The following CLASP1 variants were observed in gnomAD, a reference collection of about 807,000 sequenced individuals.
CLASP1 encodes CLIP-associating protein 1.
A neutral mutation model predicts 192.3 loss-of-function variants in CLASP1; 38 were observed. The ratio of observed to expected loss-of-function variants is 0.20; its 90% confidence interval spans 0.15 to 0.26. CLASP1 has a LOEUF of 0.26. Among genes scored for constraint, CLASP1 ranks in the 10% least tolerant of loss-of-function variants. CLASP1 has a pLI of 1.00. For missense variants in CLASP1, 1,433 were observed against 1,932.5 expected (o/e 0.74, Z 4.85); for synonymous variants, 691 against 712.8 (o/e 0.97, Z 0.49).
intron 2 of CLASP1, among the ~76,000 whole-genome samples, chr2:121,589,550 A>G (rs1339291350): frequency 6.6e-6 from 1 of 151,892 alleles, no homozygotes; most frequent in Non-Finnish European, 1.5e-5. Context: ...GAATTGCTTG[A>G]ACCTAGGAGG....
chr2:121,361,974 T>C (rs544841306), intron 37 of CLASP1, among the ~76,000 whole-genome samples: 14 of 152,338 alleles, frequency 9.2e-5, no homozygotes, highest in Admixed American at 4.6e-4. Context: ...TGAGCTACAA[T>C]TGTGGTGGAG....
In CLASP1 at chr2:121,646,769, G is replaced by A. The variant is rs943733033; in HGVS notation, c.-286+2603C>T. 5.3e-5 allele frequency among the ~76,000 whole-genome samples: 8 copies of A among 152,214 alleles called. No homozygotes were observed. In the East Asian group the frequency reaches 1.5e-3, roughly 29 times the overall value. ...AATCTAAATCTAGGCCAGGCGTGGT[G>A]GCTCACGCCTGTAATCCCAGCACTT... On this transcript the variant is annotated intron_variant, in intron 1 of 39. Transcript: ENST00000263710.
At chr2:121,348,840 C>A in intron 37 of CLASP1, 122 bp from the exon 39 acceptor site, 9 of 870,850 alleles carry the variant, frequency 1.0e-5, no homozygotes, top group Non-Finnish European at 1.5e-5. Flanking sequence ...GCAGCCATTG[C>A]TTCGCCTGGC....
At chr2:121,567,884 A>G (rs1483067785) in intron 2 of CLASP1, among the ~76,000 whole-genome samples, 2 of 152,218 alleles carry the variant, frequency 1.3e-5, no homozygotes, top group Non-Finnish European at 2.9e-5. Context: ...ATCTTGGCTA[A>G]GAAGTTATAA....
chr2:121,373,556 GAA>G (rs778146470), intron 34 of CLASP1, among the ~76,000 whole-genome samples: 6 of 152,230 alleles, frequency 3.9e-5, no homozygotes, highest in Non-Finnish European at 8.8e-5. Context: ...AAGAAAGTTT[GAA>G]ACTTCCTAGA....
intron 2 of CLASP1, among the ~76,000 whole-genome samples, chr2:121,569,436 T>A (rs1480156784): frequency 1.3e-4 from 20 of 152,268 alleles, no homozygotes; most frequent in Admixed American, 1.3e-3. Flanking sequence ...CAGCTAGGGC[T>A]AGGCCTTCGG....
chr2:121,641,002 T>C (rs2106331427), intron 1 of CLASP1, among the ~76,000 whole-genome samples: 1 of 152,270 alleles, frequency 6.6e-6, no homozygotes, highest in African/African-American at 2.4e-5. Flanking sequence ...GGGAGAACAC[T>C]ATGACTTACC....
intron 2 of CLASP1, chr2:121,531,024 A>AG: frequency 1.4e-6 from 1 of 700,090 alleles, no homozygotes; most frequent in Non-Finnish European, 2.6e-6. Flanking sequence ...ACCTGTTTTC[A>AG]TAGACTTATC....
At chr2:121,446,958 C>T (rs2084459141) in intron 19 of CLASP1, among the ~76,000 whole-genome samples, 1 of 152,156 alleles carries the variant, frequency 6.6e-6, no homozygotes, top group South Asian at 2.1e-4. Flanking sequence ...TTGGTGAATC[C>T]CTCACTGAAC....
intron 9 of CLASP1, among the ~76,000 whole-genome samples, chr2:121,465,862 C>A (rs180934944): frequency 6.6e-6 from 1 of 152,084 alleles, no homozygotes. Flanking sequence ...TCAGAAATAA[C>A]GCCGCATATC....
rs184235458 is a variant in CLASP1, at chr2:121,523,364, C to T, written c.546+2481G>A. On this transcript the variant is annotated intron_variant, in intron 6 of 39. Coordinates refer to ENST00000263710, the Ensembl canonical transcript of CLASP1. ...AAAATAAAGAAAATCTTGTTAAAATCCCTAGAGACCTTACAAGTTAACCCT... is the reference window on the plus strand; with the variant it reads ...AAAATAAAGAAAATCTTGTTAAAATTCCTAGAGACCTTACAAGTTAACCCT... Among the ~76,000 whole-genome samples the T allele has an allele frequency of 5.9e-4, 90 of 152,200 alleles. No homozygotes were observed. The East Asian group carries it at 0.015, about 25-fold the overall frequency.
Position 121,468,872 on chromosome 2 carries a change from G to A in CLASP1, c.865+936C>T, listed in dbSNP as rs528402658. Among the ~76,000 whole-genome samples the A allele has an allele frequency of 6.3e-4, 96 of 152,240 alleles. 1 individual carries two copies. In the South Asian group the frequency reaches 0.015, roughly 24 times the overall value. On this transcript the variant is annotated intron_variant, in intron 9 of 39. Transcript: ENST00000263710. ...TGTCATTTCAGCCATCTCAGTCTCA[G>A]CCTAGTTCTGAGCCCTTGCTGGAGA...
At chr2:121,342,145 A>T (rs1180990344) in intron 39 of CLASP1, among the ~76,000 whole-genome samples, 1 of 151,696 alleles carries the variant, frequency 6.6e-6, no homozygotes, top group Admixed American at 6.6e-5. Flanking sequence ...TTTTTGAGAC[A>T]GGGTCTCACT....
At chr2:121,358,611 G>A (rs2065830489) in intron 37 of CLASP1, among the ~76,000 whole-genome samples, 1 of 152,174 alleles carries the variant, frequency 6.6e-6, no homozygotes, top group African/African-American at 2.4e-5. Context: ...CATGCTGGCT[G>A]GGCGAATCAG....
chr2:121,414,607 G>A (rs1385434728), intron 23 of CLASP1, among the ~76,000 whole-genome samples: 3 of 152,138 alleles, frequency 2.0e-5, no homozygotes, highest in African/African-American at 7.2e-5. Flanking sequence ...GTTAGCTCAC[G>A]AGATGTTTTA....
intron 8 of CLASP1, among the ~76,000 whole-genome samples, chr2:121,480,818 T>C (rs1435244887): frequency 6.6e-6 from 1 of 152,198 alleles, no homozygotes; most frequent in African/African-American, 2.4e-5. Context: ...CGGTAATTAA[T>C]TCTAGAACCT....
At chr2:121,447,453 C>G in exon 19 of CLASP1, 1 of 1,558,548 alleles carries the variant, frequency 6.4e-7, no homozygotes, top group Non-Finnish European at 8.7e-7. Context: ...AATATCACTT[C>G]GAGATCGCTG....
chr2:121,506,621 G>C (rs1051179730), intron 7 of CLASP1, among the ~76,000 whole-genome samples: 1 of 152,114 alleles, frequency 6.6e-6, no homozygotes, highest in Non-Finnish European at 1.5e-5. Context: ...CACAGGCCCA[G>C]GAAAGACCCC....
chr2:121,512,341 G>C (rs1174764753), intron 7 of CLASP1, among the ~76,000 whole-genome samples: 1 of 152,186 alleles, frequency 6.6e-6, no homozygotes. Context: ...GTCTATGAAA[G>C]TAACAAAGAG....
Sources: allele counts gnomAD v4.1 joint callset (sites outside exome capture counted in the v4.1 genomes callset), GRCh38; gene constraint gnomAD v4.1.1; transcripts MANE v1.5; gene names NCBI Gene and HGNC (gene_info 2026-07-23, HGNC 2026-07-21).